Variants in NFIC observed in about 807,000 individuals in gnomAD.
The protein encoded by NFIC is nuclear factor I C.
A neutral mutation model predicts 54.4 loss-of-function variants in NFIC; 12 were observed. That is an observed-to-expected ratio of 0.22 (90% CI 0.14 to 0.36). NFIC has a LOEUF of 0.36. Ranked by LOEUF, NFIC falls within the 10% of genes least tolerant of loss-of-function variation. The pLI, the probability that NFIC is intolerant of heterozygous loss-of-function variation, is 1.00. For synonymous variants in NFIC, 322 were observed against 319.2 expected (o/e 1.01, Z -0.09); for missense variants, 575 against 718.2 (o/e 0.80, Z 2.28).
intron 9 of NFIC, 80 bp from the exon 10 acceptor site, chr19:3,456,470 G>A: frequency 7.2e-7 from 1 of 1,388,572 alleles, no homozygotes; most frequent in Non-Finnish European, 9.9e-7. Context: ...CCTGGCGGTG[G>A]CCACCCTCTC....
rs746617729 is a variant in NFIC, at chr19:3,453,777, T to G, written c.1284T>G (p.Gly428=). The change falls in exon 9 of 11, where the codon GGT becomes GGG. Residue 428 remains glycine (G), a synonymous_variant. Coordinates refer to ENST00000443272, the MANE Select transcript of NFIC (RefSeq NM_001245002.2). The surrounding 1 kb of genome is among the most constrained non-coding windows in gnomAD (Gnocchi z 6.7). ...TGTTCCCCCAGTTAAATGGAAGTGG[T>G]CAGCTCAAAATGCCCAGCCACTGCC... ...SQQPGPLNGS[G]QLKMPSHCLS... 6.2e-7 allele frequency: 1 copy of G among 1,603,282 alleles called. No individual in the cohort carries two copies. The highest frequency in any genetic ancestry group is 8.5e-7 in the Non-Finnish European group (1 of 1,175,628).
chr19:3,376,745 T>A (rs1351054197), intron 1 of NFIC, among the ~76,000 whole-genome samples: 2 of 152,042 alleles, frequency 1.3e-5, no homozygotes. Flanking sequence ...TTATTTATTT[T>A]GAGACGGAGT....
chr19:3,440,727 G>A (rs965964165), intron 6 of NFIC, among the ~76,000 whole-genome samples: 1 of 151,946 alleles, frequency 6.6e-6, no homozygotes, highest in African/African-American at 2.4e-5. Context: ...CACCCTGTTG[G>A]CCAGGCTGCT....
rs1395737156 is a variant in NFIC at position 3,467,222 on chromosome 19, C to CA, written c.*4453_*4454insA. On this transcript the variant is annotated 3_prime_UTR_variant, in exon 11 of 11. Transcript: ENST00000443272. The stretch of plus-strand genomic sequence containing the variant: ...CCACACCTATGCCAGGCCCCCCCCC[C>CA]CACCCCAGTCTCATTCTGGGGTCTG... The CA allele has an allele frequency of 7.7e-6, 1 of 129,704 alleles. No homozygotes were observed. The highest frequency in any genetic ancestry group is 2.8e-5 in the African/African-American group (1 of 35,330). 8.0% of individuals were successfully genotyped at this position (129,704 alleles called of 1,614,324 possible). A position where few individuals can be genotyped will look rare whatever the true frequency, so the allele number is the denominator to read the frequency against.
chr19:3,446,852 C>A (rs1426542866), intron 6 of NFIC, among the ~76,000 whole-genome samples: 1 of 150,680 alleles, frequency 6.6e-6, no homozygotes, highest in African/African-American at 2.4e-5. Flanking sequence ...GGCAACATAG[C>A]AAGACCCCAT....
intron 2 of NFIC, among the ~76,000 whole-genome samples, chr19:3,387,572 G>A (rs780272894): frequency 6.6e-6 from 1 of 152,098 alleles, no homozygotes; most frequent in Non-Finnish European, 1.5e-5. Flanking sequence ...GGACATGGAG[G>A]GGGGCTGGGG....
chr19:3,366,842 G>T (rs1332552216), intron 1 of NFIC, among the ~76,000 whole-genome samples, 176 bp downstream of exon 1: 1 of 152,066 alleles, frequency 6.6e-6, no homozygotes, highest in East Asian at 1.9e-4. Flanking sequence ...TCAGGCTGGG[G>T]TACCCCCCCC....
intron 10 of NFIC, 29 bp from the exon 11 acceptor site, chr19:3,462,723 C>T (rs917873944): frequency 1.2e-6 from 2 of 1,612,716 alleles, no homozygotes; most frequent in Non-Finnish European, 1.7e-6. Context: ...TTTCTCTCTC[C>T]CTCTTTCTGT....
intron 2 of NFIC, among the ~76,000 whole-genome samples, chr19:3,394,155 C>T (rs1011300055): frequency 6.6e-6 from 1 of 151,866 alleles, no homozygotes; most frequent in Non-Finnish European, 1.5e-5. Flanking sequence ...TGGAATGATA[C>T]TATTGCAATC....
chr19:3,439,093 T>C, intron 6 of NFIC, among the ~76,000 whole-genome samples: 1 of 151,022 alleles, frequency 6.6e-6, no homozygotes, highest in East Asian at 1.9e-4. Context: ...TTTCCTCTGC[T>C]ATACGATCAG....
intron 6 of NFIC, among the ~76,000 whole-genome samples, chr19:3,438,511 C>T (rs948919344): frequency 6.6e-6 from 1 of 150,758 alleles, no homozygotes; most frequent in Non-Finnish European, 1.5e-5. Context: ...CATCTCAGCT[C>T]ACTGCAAGCT....
At chr19:3,441,514 C>T (rs1251447783) in intron 6 of NFIC, among the ~76,000 whole-genome samples, 2 of 152,278 alleles carry the variant, frequency 1.3e-5, no homozygotes, top group African/African-American at 4.8e-5. Context: ...TCGCTGTGGC[C>T]TGCATCGGTA....
chr19:3,451,812 TAA>T (rs57508399), intron 7 of NFIC, among the ~76,000 whole-genome samples: 23 of 133,508 alleles, frequency 1.7e-4, no homozygotes, highest in Admixed American at 3.8e-4. Context: ...ATCCTCTGTT[TAA>T]AAAAAAAAAA....
At chr19:3,434,919 C>A in intron 5 of NFIC, 164 bp from the exon 6 acceptor site, 1 of 907,364 alleles carries the variant, frequency 1.1e-6, no homozygotes, top group Non-Finnish European at 1.6e-6. Context: ...TTGGAACAGG[C>A]GTTCGTAGGG....
At chr19:3,412,075 T>A (rs986271713) in intron 2 of NFIC, among the ~76,000 whole-genome samples, 8 of 152,126 alleles carry the variant, frequency 5.3e-5, no homozygotes, top group African/African-American at 1.7e-4. Context: ...AAGATGTTCA[T>A]TTATATGTTT....
At position 3,430,208 on chromosome 19, in the gene NFIC, T is replaced by TA. The variant is rs561518191; in HGVS notation, c.635-3308dup. 1.2e-4 allele frequency among the ~76,000 whole-genome samples: 19 copies of TA among 152,152 alleles called. No individual in the cohort carries two copies. The South Asian group carries it at 3.7e-3, about 30-fold the overall frequency. ...TTTAAGTGTCCAAGTCAAAGTGCACTAAGTACATTCACCTCTATCTAATTC... is the reference window on the plus strand; with the variant it reads ...TTTAAGTGTCCAAGTCAAAGTGCACTAAAGTACATTCACCTCTATCTAATTC... On this transcript the variant is annotated intron_variant, in intron 3 of 10. Transcript: ENST00000443272.
chr19:3,377,737 A>G (rs1256796694), intron 1 of NFIC, among the ~76,000 whole-genome samples: 1 of 151,922 alleles, frequency 6.6e-6, no homozygotes, highest in East Asian at 1.9e-4. Flanking sequence ...TCAGCCTCCT[A>G]AGTAGCTAGG....
rs182441001 is a variant in NFIC, at chr19:3,378,836, G to T, written c.31-2876G>T. Among the ~76,000 whole-genome samples, 221 of 152,226 alleles carry T rather than the reference G, an allele frequency of 1.5e-3. 2 individuals are homozygous for T. The highest frequency in any genetic ancestry group is 2.6e-3 in the Non-Finnish European group (180 of 68,026). On this transcript the variant is annotated intron_variant, in intron 1 of 10. Coordinates refer to ENST00000443272, the MANE Select transcript of NFIC (RefSeq NM_001245002.2). ...GTCTGTTTCTGTATCAGCACAGTGGGTTCATGGAAAGGGGAAAGGAGGGAG... is the reference window on the plus strand; with the variant it reads ...GTCTGTTTCTGTATCAGCACAGTGGTTTCATGGAAAGGGGAAAGGAGGGAG...
At position 3,453,899 on chromosome 19, in the gene NFIC, C is replaced by A; in HGVS notation, c.1406C>A (p.Thr469Lys). The A allele has an allele frequency of 6.5e-7, 1 of 1,546,780 alleles. No homozygotes were observed. Among genetic ancestry groups the A allele is most frequent in the East Asian group, 2.5e-5 (1 of 40,434 alleles). Residue 469 changes from threonine to lysine, a missense_variant, in exon 9 of 11, where the codon ACG (threonine) becomes AAG (lysine). Transcript: ENST00000443272. This position sits in a 1 kb window ranked among gnomAD's most constrained non-coding sequence, Gnocchi z 6.7. Reference sequence around the variant, plus strand: ...GCCACCACCTCCGAGGGAGGAGCCACGTCGCCGACCTCGCCTTGTAAGCAC... The same window carrying A: ...GCCACCACCTCCGAGGGAGGAGCCAAGTCGCCGACCTCGCCTTGTAAGCAC... ...KPATTSEGGATSPTSPSYSPP... is the reference protein window; with the variant it reads ...KPATTSEGGAKSPTSPSYSPP...
Sources: gnomAD v4.1 joint callset for allele counts (sites outside exome capture counted in the v4.1 genomes callset) on GRCh38, gnomAD v4.1.1 for gene constraint, Gnocchi (gnomAD v3.1) non-coding constraint, MANE v1.5 for transcripts, NCBI Gene and HGNC (gene_info 2026-07-23, HGNC 2026-07-21) for gene names.